The following FOXP2 variants were observed in gnomAD, a reference collection of about 807,000 sequenced individuals.
The protein encoded by FOXP2 is forkhead box P2.
FOXP2 carries 12 observed loss-of-function variants against 115.8 expected under a neutral mutation model. The ratio of observed to expected loss-of-function variants is 0.10; its 90% CI spans 0.07 to 0.17. The LOEUF (loss-of-function observed/expected upper bound fraction) is 0.17, where lower values mean the gene tolerates loss of function less well. Ranked by LOEUF, FOXP2 falls within the 10% of genes least tolerant of loss-of-function variation. The probability of loss-of-function intolerance (pLI) is 1.00; values close to 1 mark genes in which losing one functional copy is unlikely to be tolerated. For synonymous variants in FOXP2, 328 were observed against 297.7 expected, an observed-to-expected ratio of 1.10 and a Z score of -1.05; for missense variants, 629 against 843.5, an observed-to-expected ratio of 0.75 and a Z score of 3.15.
At chr7:114,238,579 C>T (rs1385541002) in intron 1 of FOXP2, among the ~76,000 whole-genome samples, 1 of 152,094 alleles carries the variant, frequency 6.6e-6, no homozygotes, top group Non-Finnish European at 1.5e-5. Context: ...TCGAGACCAG[C>T]CTCGTCAACA....
intron 2 of FOXP2, among the ~76,000 whole-genome samples, chr7:114,347,069 A>G (rs1455320499): frequency 1.3e-5 from 2 of 151,992 alleles, no homozygotes; most frequent in Admixed American, 6.6e-5. Flanking sequence ...GCAATGGTTT[A>G]TATATGCCTT....
At chr7:114,092,008 A>T (rs1316188905) in intron 1 of FOXP2, among the ~76,000 whole-genome samples, 2 of 152,036 alleles carry the variant, frequency 1.3e-5, no homozygotes, top group Non-Finnish European at 2.9e-5. Context: ...ATAATATGTT[A>T]TACAGAACTG....
At chr7:114,382,450 T>C (rs1160583453) in intron 2 of FOXP2, among the ~76,000 whole-genome samples, 2 of 152,158 alleles carry the variant, frequency 1.3e-5, no homozygotes, top group Admixed American at 1.3e-4. Flanking sequence ...AGGTGGTGGC[T>C]TATTTCTATT....
chr7:114,452,535 A>G (rs1795117370), intron 2 of FOXP2, among the ~76,000 whole-genome samples: 1 of 152,080 alleles, frequency 6.6e-6, no homozygotes. Context: ...AGTGTGATGT[A>G]TTCCAGACTT....
chr7:114,362,178 T>C (rs1057098826), intron 2 of FOXP2, among the ~76,000 whole-genome samples: 2 of 151,952 alleles, frequency 1.3e-5, no homozygotes, highest in African/African-American at 4.8e-5. Flanking sequence ...AGATTCATAA[T>C]CATGAGAAAA....
intron 2 of FOXP2, among the ~76,000 whole-genome samples, chr7:114,386,981 T>C (rs751670624): frequency 1.3e-5 from 2 of 152,220 alleles, no homozygotes; most frequent in Non-Finnish European, 2.9e-5. Flanking sequence ...TTGGAGATGA[T>C]TGTGAACAAC....
rs1322466225 is a variant in FOXP2, at chr7:114,415,153, A to T, written c.-218A>T. On this transcript the variant is annotated 5_prime_UTR_variant, in exon 1 of 17. Transcript: ENST00000350908. Reference sequence around the variant, plus strand: ...CAAAATGCCATCAGTCTGGGACGTGATCGGGCAGAGGTGTACTCACAGTAG... The same window carrying T: ...CAAAATGCCATCAGTCTGGGACGTGTTCGGGCAGAGGTGTACTCACAGTAG... 6 of 454,208 alleles carry T rather than the reference A, an allele frequency of 1.3e-5. No individual in the cohort carries two copies. The highest frequency in any genetic ancestry group is 7.1e-5 in the Admixed American group (3 of 42,516). 28.1% of individuals were successfully genotyped at this position (454,208 alleles called of 1,614,324 possible).
intron 1 of FOXP2, among the ~76,000 whole-genome samples, chr7:114,253,813 G>A (rs1795520122): frequency 6.6e-6 from 1 of 152,190 alleles, no homozygotes; most frequent in South Asian, 2.1e-4. Context: ...ATATTGTTAT[G>A]TGTGAATTTG....
At chr7:114,475,313 C>G (rs992190891) in intron 2 of FOXP2, among the ~76,000 whole-genome samples, 7 of 151,978 alleles carry the variant, frequency 4.6e-5, no homozygotes, top group Non-Finnish European at 8.8e-5. Context: ...AAAAATTTTA[C>G]CTTATTTGAA....
Position 114,649,564 on chromosome 7 carries a change from T to G in FOXP2, c.1095-2639T>G, listed in dbSNP as rs187366338. ...TATAAAAACATAAAAGAGAATAATT[T>G]CGGCACAAAATAGTCATAAATTCAT... On this transcript the variant is annotated intron_variant, in intron 8 of 16. Transcript: ENST00000350908. Among the ~76,000 whole-genome samples, 49 of 152,208 alleles carry G rather than the reference T, an allele frequency of 3.2e-4. 1 individual carries two copies. In the East Asian group the frequency reaches 7.7e-3, roughly 24 times the overall value.
intron 2 of FOXP2, among the ~76,000 whole-genome samples, chr7:114,314,495 T>G (rs1797226125): frequency 6.6e-6 from 1 of 152,194 alleles, no homozygotes; most frequent in South Asian, 2.1e-4. Context: ...ACTGAGCAAT[T>G]TTCACATAGT....
intron 2 of FOXP2, among the ~76,000 whole-genome samples, chr7:114,310,747 C>T (rs751909193): frequency 2.0e-5 from 3 of 151,972 alleles, no homozygotes; most frequent in East Asian, 3.9e-4. Flanking sequence ...ATCTCTTTAT[C>T]GCCTGTCTTC....
intron 2 of FOXP2, chr7:114,297,194 C>T (rs878985342): frequency 2.0e-6 from 1 of 489,672 alleles, no homozygotes; most frequent in Admixed American, 2.5e-5. Flanking sequence ...GTGGATGTGT[C>T]CCCACCCTTT....
At chr7:114,559,872 G>A (rs1461652221) in intron 3 of FOXP2, among the ~76,000 whole-genome samples, 1 of 139,878 alleles carries the variant, frequency 7.1e-6, no homozygotes, top group African/African-American at 2.7e-5. Context: ...CTGGGCGACA[G>A]AGCAAGATTC....
intron 2 of FOXP2, among the ~76,000 whole-genome samples, chr7:114,506,001 C>T (rs536759285): frequency 4.7e-4 from 71 of 151,426 alleles, no homozygotes; most frequent in African/African-American, 1.7e-3. Context: ...AATGACCAAC[C>T]TTTTTATCTT....
intron 1 of FOXP2, among the ~76,000 whole-genome samples, chr7:114,113,313 A>G (rs1043669307): frequency 1.3e-5 from 2 of 152,136 alleles, no homozygotes; most frequent in Non-Finnish European, 2.9e-5. Context: ...AGAAGCAAAG[A>G]CTTTCTCAAA....
chr7:114,390,167 A>G (rs974316917), intron 2 of FOXP2, among the ~76,000 whole-genome samples: 1 of 152,178 alleles, frequency 6.6e-6, no homozygotes, highest in Non-Finnish European at 1.5e-5. Flanking sequence ...AGCATGTATT[A>G]TAGTTAGCTT....
intron 3 of FOXP2, among the ~76,000 whole-genome samples, chr7:114,626,323 CTG>C (rs1412237313): frequency 6.6e-6 from 1 of 151,834 alleles, no homozygotes; most frequent in Non-Finnish European, 1.5e-5. Flanking sequence ...TGAAATCTGA[CTG>C]TAAACTCGTA....
At chr7:114,534,199 T>A (rs946344538) in intron 2 of FOXP2, among the ~76,000 whole-genome samples, 2 of 151,924 alleles carry the variant, frequency 1.3e-5, no homozygotes, top group African/African-American at 4.8e-5. Context: ...ATTTGTCAAA[T>A]TTAATTACAG....
Sources: allele counts gnomAD v4.1 joint callset (sites outside exome capture counted in the v4.1 genomes callset), GRCh38; gene constraint gnomAD v4.1.1; transcripts MANE v1.5; gene names NCBI Gene and HGNC (gene_info 2026-07-23, HGNC 2026-07-21).